Variants in ANO3 observed in about 807,000 individuals in gnomAD.
ANO3 encodes anoctamin 3.
ANO3 carries 99 observed loss-of-function variants against 144.8 expected under a neutral mutation model. The observed-to-expected ratio is 0.68, with a 90% CI of 0.58 to 0.81. ANO3 has a LOEUF of 0.81. Ranked by LOEUF, ANO3 falls within the 30% of genes least tolerant of loss-of-function variation. The pLI, the probability that ANO3 is intolerant of heterozygous loss-of-function variation, is 0.00. For synonymous variants in ANO3, 414 were observed against 392.6 expected, an observed-to-expected ratio of 1.05 and a Z score of -0.64; for missense variants, 905 against 1,202.2, an observed-to-expected ratio of 0.75 and a Z score of 3.66.
At chr11:26,350,777 A>C (rs142794852) in intron 1 of ANO3, among the ~76,000 whole-genome samples, 51 of 152,312 alleles carry the variant, frequency 3.3e-4, no homozygotes, top group African/African-American at 1.2e-3. Context: ...AAAGTTAGGA[A>C]TAATTTTTTT....
intron 14 of ANO3, among the ~76,000 whole-genome samples, chr11:26,570,589 C>T (rs1850784274): frequency 6.6e-6 from 1 of 152,094 alleles, no homozygotes; most frequent in Non-Finnish European, 1.5e-5. Flanking sequence ...ATACTGCAGG[C>T]ATAATATAAA....
intron 3 of ANO3, among the ~76,000 whole-genome samples, chr11:26,451,889 C>G (rs1858955341): frequency 6.6e-6 from 1 of 152,144 alleles, no homozygotes; most frequent in Non-Finnish European, 1.5e-5. Context: ...TGAGACAAAA[C>G]TTCCAGAGGA....
rs7949962 is a variant in ANO3, at chr11:26,286,648, C to G, written c.155-22997C>G. The stretch of plus-strand genomic sequence containing the variant: ...TGGGGCAAAGCCTGAGTGTCTGCAT[C>G]TCTAACACTCTCCCAGAAGATGGCG... On this transcript the variant is annotated intron_variant, in intron 1 of 27. Coordinates refer to the ANO3 transcript ENST00000672621. 2.6e-5 allele frequency among the ~76,000 whole-genome samples: 4 copies of G among 152,176 alleles called. No individual in the cohort carries two copies. The South Asian group carries it at 8.3e-4, about 32-fold the overall frequency.
intron 18 of ANO3, among the ~76,000 whole-genome samples, chr11:26,631,825 A>AGAT (rs1440263139): frequency 1.3e-5 from 2 of 152,174 alleles, no homozygotes; most frequent in African/African-American, 4.8e-5. Context: ...TTTAAAGTAT[A>AGAT]GATAGCAAAA....
chr11:26,483,440 C>T (rs1860308683), intron 4 of ANO3, among the ~76,000 whole-genome samples: 1 of 152,060 alleles, frequency 6.6e-6, no homozygotes, highest in Non-Finnish European at 1.5e-5. Context: ...CCTTGCTGTT[C>T]TCATGATAAT....
At chr11:26,567,215 C>A in intron 14 of ANO3, 1 of 908,342 alleles carries the variant, frequency 1.1e-6, no homozygotes, top group Non-Finnish European at 1.5e-6. Context: ...ATTTGCAGTG[C>A]TTTTAATGGA....
At chr11:26,269,832 A>T (rs1412476516) in intron 1 of ANO3, among the ~76,000 whole-genome samples, 2 of 152,218 alleles carry the variant, frequency 1.3e-5, no homozygotes, top group Non-Finnish European at 2.9e-5. Flanking sequence ...CACATATTGA[A>T]ATCCGAAATC....
At chr11:26,302,195 GTTTA>G (rs1316660960) in intron 1 of ANO3, among the ~76,000 whole-genome samples, 4 of 152,076 alleles carry the variant, frequency 2.6e-5, no homozygotes, top group Non-Finnish European at 5.9e-5. Context: ...GTGTATGAGA[GTTTA>G]TTTAAGAAAA....
chr11:26,283,321 AATATAT>A (rs58419788), intron 1 of ANO3, among the ~76,000 whole-genome samples: 6,048 of 47,672 alleles, frequency 0.13, 298 homozygotes, highest in Non-Finnish European at 0.14. Context: ...CAAATAAATA[AATATAT>A]ATATATATAT....
intron 14 of ANO3, among the ~76,000 whole-genome samples, chr11:26,573,582 T>A (rs1198173345): frequency 6.6e-6 from 1 of 152,190 alleles, no homozygotes; most frequent in Non-Finnish European, 1.5e-5. Flanking sequence ...AATATCATTA[T>A]CCCCTTCTGC....
chr11:26,223,996 C>T (rs1463943653), intron 1 of ANO3, among the ~76,000 whole-genome samples: 1 of 152,148 alleles, frequency 6.6e-6, no homozygotes, highest in Non-Finnish European at 1.5e-5. Flanking sequence ...AGGAGACACA[C>T]ACCTAAACTA....
intron 24 of ANO3, among the ~76,000 whole-genome samples, chr11:26,650,491 C>A (rs991016891): frequency 3.9e-5 from 6 of 152,060 alleles, no homozygotes; most frequent in Admixed American, 1.3e-4. Flanking sequence ...ATCATTTGCC[C>A]TTTTCATATA....
intron 1 of ANO3, among the ~76,000 whole-genome samples, chr11:26,439,056 G>C (rs946992638): frequency 6.6e-6 from 1 of 152,112 alleles, no homozygotes; most frequent in African/African-American, 2.4e-5. Flanking sequence ...ATTGATTGTA[G>C]ACAAGGGTGC....
At chr11:26,472,001 C>A (rs576066990) in intron 4 of ANO3, among the ~76,000 whole-genome samples, 3 of 151,994 alleles carry the variant, frequency 2.0e-5, no homozygotes, top group South Asian at 2.1e-4. Flanking sequence ...GCTGCAATAA[C>A]TTCTCTGCAA....
intron 4 of ANO3, among the ~76,000 whole-genome samples, chr11:26,484,102 G>A (rs1860343554): frequency 6.6e-6 from 1 of 152,128 alleles, no homozygotes; most frequent in South Asian, 2.1e-4. Context: ...ATGTTTCCTG[G>A]CTGCTTCTAG....
chr11:26,259,465 G>C (rs1853134026), intron 1 of ANO3, among the ~76,000 whole-genome samples: 1 of 151,422 alleles, frequency 6.6e-6, no homozygotes, highest in Non-Finnish European at 1.5e-5. Flanking sequence ...CTGGCCAACA[G>C]GGTGAAACCC....
At chr11:26,232,417 C>T (rs979622465) in intron 1 of ANO3, among the ~76,000 whole-genome samples, 13 of 151,208 alleles carry the variant, frequency 8.6e-5, no homozygotes, top group African/African-American at 3.2e-4. Flanking sequence ...ATAGGGGACC[C>T]TTGACTTACA....
intron 1 of ANO3, among the ~76,000 whole-genome samples, chr11:26,394,138 C>A (rs191240782): frequency 6.6e-6 from 1 of 152,006 alleles, no homozygotes; most frequent in Non-Finnish European, 1.5e-5. Flanking sequence ...TTTTATTTTC[C>A]CAAACTGCTT....
chr11:26,592,994 T>G (rs555723066), intron 14 of ANO3, among the ~76,000 whole-genome samples: 1 of 152,204 alleles, frequency 6.6e-6, no homozygotes, highest in South Asian at 2.1e-4. Flanking sequence ...GGGTACCGCC[T>G]TACAGTTCTT....
Sources: gnomAD v4.1 joint callset for allele counts (sites outside exome capture counted in the v4.1 genomes callset) on GRCh38, gnomAD v4.1.1 for gene constraint, MANE v1.5 for transcripts, NCBI Gene and HGNC (gene_info 2026-07-23, HGNC 2026-07-21) for gene names.